Variants in DIP2C observed in about 807,000 individuals in gnomAD.
DIP2C encodes the protein disco-interacting protein 2 homolog C.
A neutral mutation model predicts 192.4 loss-of-function variants in DIP2C; 33 were observed. The ratio of observed to expected loss-of-function variants is 0.17; its 90% confidence interval spans 0.13 to 0.23. DIP2C has a LOEUF of 0.23. DIP2C is among the 10% of genes least tolerant of loss of function. The pLI, the probability that DIP2C is intolerant of heterozygous loss-of-function variation, is 1.00. For missense variants in DIP2C, 1,537 were observed against 2,110.1 expected (o/e 0.73, Z 5.32); for synonymous variants, 979 against 864.1 (o/e 1.13, Z -2.33).
At chr10:575,665 G>C (rs1487447964) in intron 1 of DIP2C, among the ~76,000 whole-genome samples, 2 of 152,220 alleles carry the variant, frequency 1.3e-5, no homozygotes, top group African/African-American at 4.8e-5. Context: ...AGGGAGCAGA[G>C]TCCAAGCTTG....
At chr10:613,669 T>C (rs1242529532) in intron 1 of DIP2C, among the ~76,000 whole-genome samples, 2 of 152,214 alleles carry the variant, frequency 1.3e-5, no homozygotes, top group African/African-American at 4.8e-5. Context: ...TGAATTACAA[T>C]GGCAGATTCC....
At chr10:640,086 C>T (rs1349876871) in intron 1 of DIP2C, among the ~76,000 whole-genome samples, 5 of 152,212 alleles carry the variant, frequency 3.3e-5, no homozygotes, top group African/African-American at 1.2e-4. Context: ...CGCATCTCCA[C>T]GCGGCTAAAT....
intron 1 of DIP2C, among the ~76,000 whole-genome samples, chr10:594,104 G>A (rs895570226): frequency 6.6e-6 from 1 of 152,230 alleles, no homozygotes; most frequent in African/African-American, 2.4e-5. Flanking sequence ...TACGCAGTGG[G>A]ATGACAGAGG....
intron 1 of DIP2C, among the ~76,000 whole-genome samples, chr10:551,422 G>A (rs886519391): frequency 1.3e-5 from 2 of 152,206 alleles, no homozygotes; most frequent in African/African-American, 4.8e-5. Flanking sequence ...GGTCCAGGCT[G>A]CAGGTCTGCA....
chr10:517,833 C>T (rs1479524317), intron 1 of DIP2C, among the ~76,000 whole-genome samples: 1 of 152,160 alleles, frequency 6.6e-6, no homozygotes, highest in African/African-American at 2.4e-5. Context: ...TCATCTGGTG[C>T]TTTTTAACAA....
intron 35 of DIP2C, among the ~76,000 whole-genome samples, 167 bp downstream of exon 35, chr10:283,105 T>C (rs911418776): frequency 5.3e-5 from 8 of 152,376 alleles, no homozygotes; most frequent in African/African-American, 1.4e-4. Context: ...ATTTGCATTT[T>C]GCTTTCCTCT....
intron 22 of DIP2C, among the ~76,000 whole-genome samples, chr10:359,378 TGGA>T (rs1428620161): frequency 2.0e-5 from 3 of 152,188 alleles, no homozygotes; most frequent in Non-Finnish European, 2.9e-5. Context: ...GATTGAAATC[TGGA>T]GGAGAACGGT....
At chr10:609,166 A>G (rs900317875) in intron 1 of DIP2C, among the ~76,000 whole-genome samples, 33 of 152,132 alleles carry the variant, frequency 2.2e-4, no homozygotes, top group African/African-American at 7.5e-4. Context: ...CATGACTACA[A>G]AAATATTTAA....
intron 1 of DIP2C, among the ~76,000 whole-genome samples, chr10:586,730 G>GT (rs1328801678): frequency 2.6e-5 from 4 of 152,202 alleles, no homozygotes; most frequent in African/African-American, 9.7e-5. Context: ...CTCCCTTTAG[G>GT]TGACATCTGC....
chr10:348,674 C>G lies in DIP2C; in HGVS notation c.3198G>C (p.Ala1066=). The G allele has an allele frequency of 6.8e-6, 11 of 1,613,706 alleles. No homozygotes were observed. Among genetic ancestry groups the G allele is most frequent in the Non-Finnish European group, 9.3e-6 (11 of 1,179,900 alleles). ...TVRPPHPQNI[A]TTLPTVKMIV... ...TCATCTTGACGGTAGGCAACGTCGTCGCGATGTTCTGTGGGTGCGGGGGAC... is the reference window on the plus strand; with the variant it reads ...TCATCTTGACGGTAGGCAACGTCGTGGCGATGTTCTGTGGGTGCGGGGGAC... Residue 1066 remains alanine, a synonymous_variant, in exon 26 of 37, where the codon GCG becomes GCC. Transcript: ENST00000280886.
chr10:552,221 G>A (rs1263420969), intron 1 of DIP2C, among the ~76,000 whole-genome samples: 5 of 152,178 alleles, frequency 3.3e-5, no homozygotes. Context: ...TGTTTAAAAG[G>A]AAAGCATCGT....
At chr10:324,876 T>G (rs577382164) in intron 31 of DIP2C, 8 of 516,702 alleles carry the variant, frequency 1.5e-5, no homozygotes, top group South Asian at 1.2e-4. Flanking sequence ...TCTGTCCCTT[T>G]CCTGCGCTGT....
At chr10:639,170 TCCCGGTC>T in intron 1 of DIP2C, among the ~76,000 whole-genome samples, 1 of 139,716 alleles carries the variant, frequency 7.2e-6, no homozygotes, top group African/African-American at 2.7e-5. Flanking sequence ...GCTGCCCGGC[TCCCGGTC>T]CACACATGTG....
rs1011156905 is a variant in DIP2C at position 382,281 on chromosome 10, A to C, written c.1991+366T>G. Among the ~76,000 whole-genome samples the C allele has an allele frequency of 2.0e-5, 3 of 152,328 alleles. No homozygotes were observed. In the South Asian group the frequency reaches 6.2e-4, roughly 32 times the overall value. ...CATGGAAGTCGGTAACACTACAAGA[A>C]AAGCAGGCTGATGAAAACAGACCCT... is the stretch of plus-strand genomic sequence containing the variant. On this transcript the variant is annotated intron_variant, in intron 17 of 36. Transcript: ENST00000280886.
chr10:536,506 G>A (rs1847705135), intron 1 of DIP2C, among the ~76,000 whole-genome samples: 1 of 152,222 alleles, frequency 6.6e-6, no homozygotes, highest in Non-Finnish European at 1.5e-5. Context: ...AGTCCCAGGG[G>A]GGCCAGCGTT....
chr10:369,956 C>G, intron 17 of DIP2C: 1 of 985,402 alleles, frequency 1.0e-6, no homozygotes, highest in Non-Finnish European at 1.2e-6. Context: ...AGGCCCTGCA[C>G]AGACCAGCTC....
rs183380083 is a variant in DIP2C at position 400,052 on chromosome 10, T to C, written c.1150-833A>G. On this transcript the variant is annotated intron_variant, in intron 9 of 36. Transcript: ENST00000280886. The stretch of plus-strand genomic sequence containing the variant: ...TGGTACCTACTAATAGATATTATGA[T>C]TTTTTTTCTAAAGAAACAAGTTCAC... 2.2e-3 allele frequency among the ~76,000 whole-genome samples: 331 copies of C among 152,192 alleles called. 1 individual carries two copies. Among genetic ancestry groups the C allele is most frequent in the Non-Finnish European group, 4.0e-3 (270 of 68,002 alleles).
intron 1 of DIP2C, among the ~76,000 whole-genome samples, chr10:515,659 G>A (rs1846305339): frequency 1.3e-5 from 2 of 152,188 alleles, no homozygotes; most frequent in South Asian, 4.1e-4. Context: ...GGGAGGCAGA[G>A]GTTGCGGTGA....
At chr10:483,084 G>C (rs376256334) in intron 2 of DIP2C, among the ~76,000 whole-genome samples, 3 of 152,204 alleles carry the variant, frequency 2.0e-5, no homozygotes, top group South Asian at 2.1e-4. Context: ...CCCGACAGAC[G>C]CTGCCCTCCT....
Sources: gnomAD v4.1 joint callset for allele counts (sites outside exome capture counted in the v4.1 genomes callset) on GRCh38, gnomAD v4.1.1 for gene constraint, MANE v1.5 for transcripts, NCBI Gene and HGNC (gene_info 2026-07-23, HGNC 2026-07-21) for gene names.